Variants in PUM1 observed in about 807,000 individuals in gnomAD.
The protein encoded by PUM1 is pumilio RNA binding family member 1.
Under a neutral mutation model 131.8 loss-of-function variants are expected in PUM1, and 13 were observed. That is an observed-to-expected ratio of 0.10 (90% confidence interval 0.06 to 0.16). PUM1 has a LOEUF of 0.16. Ranked by LOEUF, PUM1 falls within the 10% of genes least tolerant of loss-of-function variation. The pLI is 1.00. For missense variants in PUM1, 961 were observed against 1,512.4 expected, an observed-to-expected ratio of 0.64 and a Z score of 6.05; for synonymous variants, 509 against 556.5, an observed-to-expected ratio of 0.91 and a Z score of 1.20.
intron 10 of PUM1, among the ~76,000 whole-genome samples, chr1:30,969,213 A>T (rs1212602283): frequency 6.6e-6 from 1 of 150,802 alleles, no homozygotes; most frequent in Non-Finnish European, 1.5e-5. Context: ...ATGAGGCAGG[A>T]GAATCACTTG....
intron 3 of PUM1, among the ~76,000 whole-genome samples, chr1:31,014,079 T>C (rs953880541): frequency 2.0e-5 from 3 of 152,020 alleles, no homozygotes; most frequent in Middle Eastern, 3.4e-3. Flanking sequence ...GGCAGGAGGA[T>C]AGCTTGAGTC....
At chr1:30,934,987 G>T (rs1639141296) in intron 21 of PUM1, among the ~76,000 whole-genome samples, 1 of 152,108 alleles carries the variant, frequency 6.6e-6, no homozygotes. Context: ...GGCTTCTCAG[G>T]ACTCTCCCCG....
At chr1:30,939,999 A>G (rs1248217980) in intron 20 of PUM1, among the ~76,000 whole-genome samples, 1 of 152,238 alleles carries the variant, frequency 6.6e-6, no homozygotes, top group Non-Finnish European at 1.5e-5. Context: ...AGAACCCAAG[A>G]GATTCTGATC....
At chr1:31,042,434 T>C (rs1297921510) in intron 2 of PUM1, among the ~76,000 whole-genome samples, 5 of 152,098 alleles carry the variant, frequency 3.3e-5, no homozygotes, top group Admixed American at 1.3e-4. Flanking sequence ...TTTTAAAAAT[T>C]AAAAGAGAGA....
At chr1:30,965,291 G>A (rs569579319) in intron 13 of PUM1, among the ~76,000 whole-genome samples, 1 of 152,210 alleles carries the variant, frequency 6.6e-6, no homozygotes, top group South Asian at 2.1e-4. Flanking sequence ...TGTAAATGGG[G>A]TACTGCCCCA....
chr1:31,031,517 G>C (rs960856792), intron 2 of PUM1, among the ~76,000 whole-genome samples: 4 of 152,124 alleles, frequency 2.6e-5, no homozygotes, highest in Non-Finnish European at 5.9e-5. Context: ...AAGCATAGGA[G>C]GAAACTAAGG....
At chr1:30,971,744 C>A (rs1436893943) in intron 10 of PUM1, among the ~76,000 whole-genome samples, 1 of 152,116 alleles carries the variant, frequency 6.6e-6, no homozygotes, top group Non-Finnish European at 1.5e-5. Context: ...GTACAACTAT[C>A]ATAATAAGAG....
intron 10 of PUM1, among the ~76,000 whole-genome samples, chr1:30,971,867 C>T (rs1475203662): frequency 6.6e-6 from 1 of 152,180 alleles, no homozygotes; most frequent in Non-Finnish European, 1.5e-5. Context: ...ATGGTAATTA[C>T]TTTAGTCTTC....
At chr1:30,942,191 TTATATATATATATATATATATA>T (rs58848270) in intron 18 of PUM1, 68 bp from the exon 19 acceptor site, 2,300 of 145,210 alleles carry the variant, frequency 0.016, 163 homozygotes, top group Admixed American at 0.079. Flanking sequence ...TCAGTATTGT[TTATATATATATATATATATATA>T]TATATATATA....
At chr1:31,053,198 G>A (rs1644153790) in intron 2 of PUM1, among the ~76,000 whole-genome samples, 1 of 149,602 alleles carries the variant, frequency 6.7e-6, no homozygotes, top group African/African-American at 2.5e-5. Flanking sequence ...GTAGAGACAG[G>A]GTTTCACCAT....
intron 14 of PUM1, among the ~76,000 whole-genome samples, chr1:30,961,258 C>T (rs1289589477): frequency 6.6e-6 from 1 of 150,534 alleles, no homozygotes; most frequent in Admixed American, 6.6e-5. Context: ...ATCTGTAATC[C>T]TAGTGCTTTG....
Position 30,959,768 on chromosome 1 carries a change from G to A in PUM1, c.2323+4906C>T, listed in dbSNP as rs887805106. Among the ~76,000 whole-genome samples the A allele has an allele frequency of 2.0e-5, 3 of 152,028 alleles. No individual in the cohort carries two copies. The South Asian group carries it at 6.2e-4, about 32-fold the overall frequency. ...AAAAAATACAAAAAATTAGCCGGGCGTGGTGGTGGGCGCCTATAGTCCCAG... is the reference window on the plus strand; with the variant it reads ...AAAAAATACAAAAAATTAGCCGGGCATGGTGGTGGGCGCCTATAGTCCCAG... On this transcript the variant is annotated intron_variant, in intron 14 of 21. Transcript: ENST00000426105.
At chr1:30,939,557 C>T (rs1639360174) in intron 20 of PUM1, among the ~76,000 whole-genome samples, 2 of 152,248 alleles carry the variant, frequency 1.3e-5, no homozygotes, top group Admixed American at 1.3e-4. Context: ...CAATTCTCTT[C>T]TTCCAAATGC....
intron 3 of PUM1, among the ~76,000 whole-genome samples, chr1:31,010,161 A>G (rs1310073200): frequency 6.6e-6 from 1 of 152,234 alleles, no homozygotes; most frequent in Non-Finnish European, 1.5e-5. Flanking sequence ...TGCTTGGGCA[A>G]AGACAGAAGC....
intron 2 of PUM1, among the ~76,000 whole-genome samples, chr1:31,046,514 T>G (rs1309551920): frequency 2.3e-4 from 19 of 81,764 alleles, no homozygotes; most frequent in South Asian, 1.9e-3. Context: ...TTTTTTGGTT[T>G]TTTTTTTTTT....
chr1:30,967,012 G>T, intron 12 of PUM1, 155 bp downstream of exon 12: 3 of 758,684 alleles, frequency 4.0e-6, no homozygotes, highest in Non-Finnish European at 5.8e-6. Flanking sequence ...AATCCACTAA[G>T]GTCACTTATT....
chr1:31,000,454 A>C (rs1185278519), intron 5 of PUM1, among the ~76,000 whole-genome samples: 2 of 152,238 alleles, frequency 1.3e-5, no homozygotes, highest in Admixed American at 1.3e-4. Flanking sequence ...AAATTGCTAA[A>C]TATCAAAGAA....
intron 3 of PUM1, among the ~76,000 whole-genome samples, chr1:31,026,893 G>GA (rs1329406108): frequency 2.2e-5 from 3 of 138,050 alleles, no homozygotes; most frequent in Non-Finnish European, 3.0e-5. Flanking sequence ...ATACTGTTTT[G>GA]TTATTAACAT....
intron 17 of PUM1, among the ~76,000 whole-genome samples, chr1:30,946,011 C>T (rs1387113717): frequency 2.6e-5 from 4 of 152,004 alleles, no homozygotes. Context: ...TCTCGAACTC[C>T]TGACCTCAGG....
Sources: gnomAD v4.1 joint callset for allele counts (sites outside exome capture counted in the v4.1 genomes callset) on GRCh38, gnomAD v4.1.1 for gene constraint, MANE v1.5 for transcripts, NCBI Gene and HGNC (gene_info 2026-07-23, HGNC 2026-07-21) for gene names.